Variants in GRID2 observed in about 807,000 individuals in gnomAD.
The protein encoded by GRID2 is glutamate ionotropic receptor delta type subunit 2.
Under a neutral mutation model 114.8 loss-of-function variants are expected in GRID2, and 33 were observed. The observed-to-expected ratio is 0.29, with a 90% CI of 0.22 to 0.38. The LOEUF is 0.38. GRID2 is among the 10% of genes least tolerant of loss of function. The probability of loss-of-function intolerance (pLI) is 1.00; values close to 1 mark genes in which losing one functional copy is unlikely to be tolerated. For missense variants in GRID2, 1,184 were observed against 1,257.7 expected, an observed-to-expected ratio of 0.94 and a Z score of 0.89; for synonymous variants, 505 against 449.9, an observed-to-expected ratio of 1.12 and a Z score of -1.55.
intron 14 of GRID2, among the ~76,000 whole-genome samples, chr4:93,684,702 G>T (rs984827075): frequency 1.6e-4 from 25 of 151,986 alleles, no homozygotes; most frequent in African/African-American, 5.8e-4. Context: ...ACAGGCCAGG[G>T]TGATCAGATA....
chr4:93,075,627 G>T (rs1167004289), intron 2 of GRID2, among the ~76,000 whole-genome samples: 1 of 152,018 alleles, frequency 6.6e-6, no homozygotes, highest in African/African-American at 2.4e-5. Flanking sequence ...CATGATATGA[G>T]ATTAATACAC....
intron 2 of GRID2, among the ~76,000 whole-genome samples, chr4:92,610,181 G>A (rs1729650182): frequency 6.6e-6 from 1 of 151,546 alleles, no homozygotes; most frequent in Non-Finnish European, 1.5e-5. Context: ...GCCTTAGACT[G>A]ACACCCCCTT....
At chr4:92,450,734 T>C (rs947256459) in intron 1 of GRID2, among the ~76,000 whole-genome samples, 1 of 151,506 alleles carries the variant, frequency 6.6e-6, no homozygotes, top group Admixed American at 6.6e-5. Flanking sequence ...TAAATCTCTC[T>C]CTTTCTTTAT....
chr4:93,583,933 C>G (rs1191770425), intron 13 of GRID2, among the ~76,000 whole-genome samples: 1 of 152,080 alleles, frequency 6.6e-6, no homozygotes, highest in East Asian at 1.9e-4. Flanking sequence ...AACCAATGAA[C>G]AAGACATCAC....
intron 2 of GRID2, among the ~76,000 whole-genome samples, chr4:92,619,434 C>G (rs1730162562): frequency 6.6e-6 from 1 of 151,654 alleles, no homozygotes. Context: ...TTCCTCAGAT[C>G]TTGTAAAATT....
chr4:92,692,432 C>T (rs893524937), intron 2 of GRID2, among the ~76,000 whole-genome samples: 1 of 152,082 alleles, frequency 6.6e-6, no homozygotes, highest in East Asian at 1.9e-4. Flanking sequence ...ATTAAATGCT[C>T]TTATGTTTAA....
At chr4:92,781,439 T>C (rs1379903172) in intron 2 of GRID2, among the ~76,000 whole-genome samples, 1 of 152,102 alleles carries the variant, frequency 6.6e-6, no homozygotes, top group Non-Finnish European at 1.5e-5. Flanking sequence ...TATACACTTA[T>C]TTCCCATGCA....
chr4:93,393,557 C>T (rs1052696781), intron 8 of GRID2, among the ~76,000 whole-genome samples: 5 of 151,942 alleles, frequency 3.3e-5, no homozygotes, highest in Admixed American at 6.6e-5. Context: ...ACTTCAAATG[C>T]TTTTTTGCTG....
intron 14 of GRID2, among the ~76,000 whole-genome samples, chr4:93,713,332 AGTTT>A (rs998613780): frequency 1.3e-5 from 2 of 152,070 alleles, no homozygotes; most frequent in Admixed American, 1.3e-4. Context: ...TTATCCTGAC[AGTTT>A]GTTTGTTGTT....
intron 1 of GRID2, among the ~76,000 whole-genome samples, chr4:92,406,843 G>A (rs564856167): frequency 3.0e-4 from 46 of 151,956 alleles, no homozygotes; most frequent in African/African-American, 1.0e-3. Flanking sequence ...TGAGGATAAT[G>A]GCCCTCAGCT....
intron 14 of GRID2, among the ~76,000 whole-genome samples, chr4:93,704,466 A>G (rs1374608822): frequency 6.6e-6 from 1 of 152,050 alleles, no homozygotes; most frequent in East Asian, 1.9e-4. Flanking sequence ...CTCTGATGGT[A>G]GTTTCTTTTG....
intron 1 of GRID2, among the ~76,000 whole-genome samples, chr4:92,307,907 T>G (rs2110104473): frequency 6.6e-6 from 1 of 152,318 alleles, no homozygotes; most frequent in South Asian, 2.1e-4. Flanking sequence ...TATGCATTGA[T>G]TGAGTAATTT....
intron 2 of GRID2, among the ~76,000 whole-genome samples, chr4:92,644,915 C>CT (rs946930589): frequency 2.0e-5 from 3 of 151,124 alleles, no homozygotes; most frequent in South Asian, 2.1e-4. Flanking sequence ...CCCTTTATCT[C>CT]TTTTTTTTCT....
intron 7 of GRID2, among the ~76,000 whole-genome samples, chr4:93,227,220 T>C (rs1745587937): frequency 6.6e-6 from 1 of 152,032 alleles, no homozygotes; most frequent in African/African-American, 2.4e-5. Flanking sequence ...GCACCCTTGA[T>C]ATTCTCTCCT....
intron 2 of GRID2, among the ~76,000 whole-genome samples, chr4:92,867,665 A>G (rs1392659522): frequency 6.6e-6 from 1 of 151,954 alleles, no homozygotes; most frequent in East Asian, 1.9e-4. Context: ...TGGATTTTTA[A>G]CACTTGGTTG....
At chr4:92,367,422 A>C (rs971897496) in intron 1 of GRID2, among the ~76,000 whole-genome samples, 1 of 152,024 alleles carries the variant, frequency 6.6e-6, no homozygotes, top group Non-Finnish European at 1.5e-5. Context: ...TAGTAGGAAA[A>C]GTGGTTTGAT....
At chr4:92,993,712 A>G (rs1409163870) in intron 2 of GRID2, among the ~76,000 whole-genome samples, 2 of 152,160 alleles carry the variant, frequency 1.3e-5, no homozygotes, top group Non-Finnish European at 2.9e-5. Context: ...AATTTGGACA[A>G]CCTCAAAGAC....
chr4:92,506,254 C>A (rs1353961527), intron 1 of GRID2, among the ~76,000 whole-genome samples: 1 of 151,832 alleles, frequency 6.6e-6, no homozygotes, highest in Non-Finnish European at 1.5e-5. Flanking sequence ...TGGTGGGATT[C>A]TAAATGATTC....
intron 14 of GRID2, among the ~76,000 whole-genome samples, chr4:93,654,611 A>G (rs941619696): frequency 2.6e-5 from 4 of 152,184 alleles, no homozygotes; most frequent in Non-Finnish European, 4.4e-5. Context: ...AAACTGCCTA[A>G]TAAAACAATA....
Sources: gnomAD v4.1 joint callset for allele counts (sites outside exome capture counted in the v4.1 genomes callset) on GRCh38, gnomAD v4.1.1 for gene constraint, MANE v1.5 for transcripts, NCBI Gene and HGNC (gene_info 2026-07-23, HGNC 2026-07-21) for gene names.